The following CYSLTR2 variants were observed in gnomAD, a reference collection of about 807,000 sequenced individuals.
The protein encoded by CYSLTR2 is cysteinyl leukotriene receptor 2.
For missense variants in CYSLTR2, 398 were observed against 411.9 expected, an observed-to-expected ratio of 0.97 and a Z score of 0.29; for synonymous variants, 179 against 160.8, an observed-to-expected ratio of 1.11 and a Z score of -0.86.
At chr13:48,654,302 TGTGA>T (rs1467420907) in intron 1 of CYSLTR2, among the ~76,000 whole-genome samples, 1,343 of 50,528 alleles carry the variant, frequency 0.027, 2 homozygotes, top group African/African-American at 0.11. Flanking sequence ...TGTGTGTGTG[TGTGA>T]GTGTGTGTGT....
chr13:48,693,248 G>A (rs1341982959), intron 2 of CYSLTR2, among the ~76,000 whole-genome samples, 190 bp from the exon 3 acceptor site: 1 of 151,820 alleles, frequency 6.6e-6, no homozygotes, highest in African/African-American at 2.4e-5. Flanking sequence ...CCAAAAGATT[G>A]GGCTGTCACT....
At chr13:48,656,367 C>A (rs530231196) in intron 1 of CYSLTR2, among the ~76,000 whole-genome samples, 1 of 152,280 alleles carries the variant, frequency 6.6e-6, no homozygotes, top group South Asian at 2.1e-4. Flanking sequence ...TGACTGAACT[C>A]TTCACATGTG....
intron 1 of CYSLTR2, among the ~76,000 whole-genome samples, chr13:48,679,131 C>A (rs940450830): frequency 7.2e-5 from 11 of 152,088 alleles, no homozygotes; most frequent in African/African-American, 2.4e-4. Context: ...CTTACACTTC[C>A]CCAAACTTGC....
intron 1 of CYSLTR2, among the ~76,000 whole-genome samples, chr13:48,670,855 A>G (rs771379535): frequency 2.0e-5 from 3 of 152,324 alleles, no homozygotes; most frequent in South Asian, 2.1e-4. Context: ...TTGAATCTAT[A>G]AATTACTTTG....
intron 1 of CYSLTR2, among the ~76,000 whole-genome samples, chr13:48,690,313 G>C (rs1178619142): frequency 3.9e-5 from 6 of 152,120 alleles, no homozygotes. Flanking sequence ...GTGAGAGAGG[G>C]CATCCTTGTC....
rs1406594552 is a variant in CYSLTR2 at position 48,708,584 on chromosome 13, G to A, written c.*726G>A. Reference sequence around the variant, plus strand: ...CATTGCCCTAGGAAATGAAAGAATTGTGTATAGAATGGAAGGGGGATCATC... The same window carrying A: ...CATTGCCCTAGGAAATGAAAGAATTATGTATAGAATGGAAGGGGGATCATC... On this transcript the variant is annotated 3_prime_UTR_variant, in exon 5 of 5. Transcript: ENST00000682523. 6.0e-6 allele frequency: 1 copy of A among 167,106 alleles called. No homozygotes were observed. Among genetic ancestry groups the A allele is most frequent in the Non-Finnish European group, 1.5e-5 (1 of 68,130 alleles). The allele number at this position is 167,106 out of a possible 1,614,324, so 10.4% of individuals were successfully genotyped here.
At chr13:48,678,982 G>C (rs1953675556) in intron 1 of CYSLTR2, among the ~76,000 whole-genome samples, 1 of 152,126 alleles carries the variant, frequency 6.6e-6, no homozygotes, top group Admixed American at 6.5e-5. Context: ...CTAAAATGCA[G>C]ATCTGCTCTC....
intron 1 of CYSLTR2, among the ~76,000 whole-genome samples, chr13:48,654,485 T>C (rs1952955098): frequency 6.6e-6 from 1 of 152,218 alleles, no homozygotes; most frequent in South Asian, 2.1e-4. Flanking sequence ...GGAACTTTAC[T>C]ATACTTCCTC....
At chr13:48,693,814 C>G (rs1954098022) in intron 3 of CYSLTR2, among the ~76,000 whole-genome samples, 1 of 152,172 alleles carries the variant, frequency 6.6e-6, no homozygotes, top group Non-Finnish European at 1.5e-5. Context: ...CAACTTTAAA[C>G]AAAAGAATCA....
chr13:48,669,679 T>C (rs137950781), intron 1 of CYSLTR2, among the ~76,000 whole-genome samples: 129 of 152,356 alleles, frequency 8.5e-4, no homozygotes, highest in African/African-American at 3.0e-3. Flanking sequence ...AGTCTATCAT[T>C]GATGGGCTTT....
chr13:48,668,146 C>T (rs1953315356), intron 1 of CYSLTR2, among the ~76,000 whole-genome samples: 1 of 151,808 alleles, frequency 6.6e-6, no homozygotes, highest in African/African-American at 2.4e-5. Context: ...GAGAGGCAGA[C>T]ATGATGTGTC....
chr13:48,655,071 C>T (rs1470368758), intron 1 of CYSLTR2, among the ~76,000 whole-genome samples: 8 of 152,166 alleles, frequency 5.3e-5, no homozygotes, highest in Admixed American at 3.3e-4. Flanking sequence ...CTATCATCTA[C>T]TCAGCCACAT....
chr13:48,666,398 C>A (rs1953262785), intron 1 of CYSLTR2, among the ~76,000 whole-genome samples: 1 of 152,076 alleles, frequency 6.6e-6, no homozygotes, highest in Admixed American at 6.6e-5. Context: ...TGCATTGAAT[C>A]TATTTGGAAA....
rs1954263987 is a variant in CYSLTR2 at position 48,698,831 on chromosome 13, A to G, written c.-2+2205A>G. On this transcript the variant is annotated intron_variant, in intron 4 of 4. Transcript: ENST00000682523. Reference sequence around the variant, plus strand: ...AAAATAAAGGGATGGAGGAAGATCTACCAAGCAAATGGAAAACAAAAAAAA... The same window carrying G: ...AAAATAAAGGGATGGAGGAAGATCTGCCAAGCAAATGGAAAACAAAAAAAA... Among the ~76,000 whole-genome samples, 3 of 152,170 alleles carry G rather than the reference A, an allele frequency of 2.0e-5. No individual in the cohort carries two copies. In the South Asian group the frequency reaches 6.2e-4, roughly 32 times the overall value.
At position 48,695,407 on chromosome 13, in the gene CYSLTR2, T is replaced by TCTTTC. The variant is rs1566101109; in HGVS notation, c.-102-1119_-102-1118insCTTTC. On this transcript the variant is annotated intron_variant, in intron 3 of 4. Coordinates refer to ENST00000682523, the MANE Select transcript of CYSLTR2 (RefSeq NM_001308476.3). ...TTTCTTTCTTTCTCTCTCTCTCTCTTTCTCTCTCTCTCTCTCATAGAGATA... is the reference window on the plus strand; with the variant it reads ...TTTCTTTCTTTCTCTCTCTCTCTCTTCTTTCTCTCTCTCTCTCTCTCATAGAGATA... 2.2e-3 allele frequency among the ~76,000 whole-genome samples: 221 copies of TCTTTC among 98,342 alleles called. 1 individual carries two copies. Among genetic ancestry groups the TCTTTC allele is most frequent in the African/African-American group, 9.9e-3 (210 of 21,212 alleles). The allele number at this position is 98,342 out of a possible 152,430, so 64.5% of individuals were successfully genotyped here.
chr13:48,667,300 A>G (rs970802706), intron 1 of CYSLTR2, among the ~76,000 whole-genome samples: 12 of 152,176 alleles, frequency 7.9e-5, no homozygotes, highest in African/African-American at 1.4e-4. Context: ...TCAACGAACT[A>G]TGGGTTAAGT....
At chr13:48,690,159 TG>T (rs1214653152) in intron 1 of CYSLTR2, among the ~76,000 whole-genome samples, 1 of 152,142 alleles carries the variant, frequency 6.6e-6, no homozygotes, top group Admixed American at 6.5e-5. Context: ...TGGGCTGAGA[TG>T]ATGGGGTTTT....
chr13:48,662,330 A>G (rs1953151064), intron 1 of CYSLTR2, among the ~76,000 whole-genome samples: 2 of 152,320 alleles, frequency 1.3e-5, no homozygotes, highest in South Asian at 4.1e-4. Flanking sequence ...CAGTGCAGAC[A>G]TCTCTTAGGC....
At chr13:48,671,989 A>T (rs1323674916) in intron 1 of CYSLTR2, among the ~76,000 whole-genome samples, 1 of 151,874 alleles carries the variant, frequency 6.6e-6, no homozygotes, top group African/African-American at 2.4e-5. Flanking sequence ...CAGGGATTCC[A>T]CTTCTTCCTG....
Sources: gnomAD v4.1 joint callset for allele counts (sites outside exome capture counted in the v4.1 genomes callset) on GRCh38, gnomAD v4.1.1 for gene constraint, MANE v1.5 for transcripts, NCBI Gene and HGNC (gene_info 2026-07-23, HGNC 2026-07-21) for gene names.